The following TLE3 variants were observed in gnomAD, a reference collection of about 807,000 sequenced individuals.
The protein encoded by TLE3 is TLE family member 3, transcriptional corepressor, also known as transducin-like enhancer protein 3.
Under a neutral mutation model 93.0 loss-of-function variants are expected in TLE3, and 14 were observed. That is an observed-to-expected ratio of 0.15 (90% CI 0.10 to 0.24). The LOEUF is 0.24. Ranked by LOEUF, TLE3 falls within the 10% of genes least tolerant of loss-of-function variation. TLE3 has a pLI of 1.00. For missense variants in TLE3, 693 were observed against 1,046.6 expected, an observed-to-expected ratio of 0.66 and a Z score of 4.66; for synonymous variants, 451 against 425.0, an observed-to-expected ratio of 1.06 and a Z score of -0.75.
rs760118084 is a variant in TLE3 at position 70,096,240 on chromosome 15, G to A, written c.46C>T (p.Pro16Ser). The change falls in exon 2 of 20, where the codon CCG becomes TCG. Residue 16 changes from proline (P) to serine (S), a missense_variant. Transcript: ENST00000451782. ...TCAGCCACCGTGAATTTAAATCCCG[G>A]CTGCCCGGGTTGATGGGGAGCCTGG... ...RHPAPHQPGQ[P>S]GFKFTVAESC... The A allele has an allele frequency of 6.4e-6, 10 of 1,555,612 alleles. 1 individual carries two copies. The South Asian group carries it at 1.2e-4, about 18-fold the overall frequency.
At chr15:70,095,978 G>A (rs2142110248) in intron 2 of TLE3, 183 bp downstream of exon 2, 2 of 770,286 alleles carry the variant, frequency 2.6e-6, no homozygotes, top group South Asian at 3.8e-5. Flanking sequence ...CTGGGAGCCG[G>A]GCTGCTGCGG....
At chr15:70,071,934 T>C (rs574092828) in intron 6 of TLE3, among the ~76,000 whole-genome samples, 2 of 152,086 alleles carry the variant, frequency 1.3e-5, no homozygotes, top group African/African-American at 2.4e-5. Context: ...GAGGAGGAGA[T>C]AAAGAACGCC....
chr15:70,095,084 G>C (rs1477416422), intron 3 of TLE3, among the ~76,000 whole-genome samples: 1 of 152,188 alleles, frequency 6.6e-6, no homozygotes, highest in Non-Finnish European at 1.5e-5. Context: ...TGGAGGCAGA[G>C]AGAGCTTTAC....
intron 4 of TLE3, among the ~76,000 whole-genome samples, chr15:70,082,785 G>A (rs2057847294): frequency 1.3e-5 from 2 of 152,204 alleles, no homozygotes; most frequent in African/African-American, 4.8e-5. Context: ...CCCTTCACAG[G>A]CGGGTGAGGA....
chr15:70,074,861 A>C (rs1041195514), intron 5 of TLE3, among the ~76,000 whole-genome samples: 1 of 152,272 alleles, frequency 6.6e-6, no homozygotes, highest in African/African-American at 2.4e-5. Context: ...GCATGCCAAA[A>C]GATGGCTATT....
Position 70,074,528 on chromosome 15 carries a change from C to T in TLE3, c.372+5G>A, listed in dbSNP as rs760108695. The T allele has an allele frequency of 6.8e-6, 11 of 1,610,938 alleles. No individual in the cohort carries two copies. The highest frequency in any genetic ancestry group is 2.2e-5 in the East Asian group (1 of 44,820). On this transcript the variant is annotated splice_donor_5th_base_variant and intron_variant, in intron 6 of 19. Coordinates refer to ENST00000451782, the MANE Select transcript of TLE3 (RefSeq NM_001105192.3). ...GGTAAGAGGCAGATTGGGGAGTCCACGTACCCCGATGATGGCGTTCAGCTC... is the reference window on the plus strand; with the variant it reads ...GGTAAGAGGCAGATTGGGGAGTCCATGTACCCCGATGATGGCGTTCAGCTC...
Position 70,097,242 on chromosome 15 carries a change from C to G in TLE3, c.-444G>C. ...AGCGGGTCGCGCCTGTAGGGGGGCG[C>G]GCCGGGGCAGCCCCAAGCATCCGGG... On this transcript the variant is annotated 5_prime_UTR_variant, in exon 1 of 20. Transcript: ENST00000451782. 3 of 400,558 alleles carry G rather than the reference C, an allele frequency of 7.5e-6. No individual in the cohort carries two copies. The highest frequency in any genetic ancestry group is 1.3e-5 in the Non-Finnish European group (3 of 228,272). The allele number at this position is 400,558 out of a possible 1,614,324, so 24.8% of individuals were successfully genotyped here. A position where few individuals can be genotyped will look rare whatever the true frequency, so the allele number is the denominator to read the frequency against.
chr15:70,058,531 C>T lies in TLE3; in HGVS notation c.918+132G>A. The T allele has an allele frequency of 1.5e-6, 2 of 1,371,382 alleles. No homozygotes were observed. The highest frequency in any genetic ancestry group is 9.7e-7 in the Non-Finnish European group (1 of 1,029,976). 85.0% of individuals were successfully genotyped at this position (1,371,382 alleles called of 1,614,324 possible). On this transcript the variant is annotated intron_variant, in intron 11 of 19. Transcript: ENST00000451782. This position sits in a 1 kb window ranked among gnomAD's most constrained non-coding sequence, Gnocchi z 4.1. ...AACTCATTAGCACAGGCCCAGCAGGCACAGAAGGTAAACCGGGGCCAATCA... is the reference window on the plus strand; with the variant it reads ...AACTCATTAGCACAGGCCCAGCAGGTACAGAAGGTAAACCGGGGCCAATCA...
At chr15:70,081,321 G>C (rs1039953590) in intron 4 of TLE3, among the ~76,000 whole-genome samples, 2 of 152,236 alleles carry the variant, frequency 1.3e-5, no homozygotes, top group African/African-American at 4.8e-5. Context: ...AGCATCACAT[G>C]AATTTACAAA....
chr15:70,077,284 G>A (rs1438915566), intron 4 of TLE3, among the ~76,000 whole-genome samples: 2 of 152,294 alleles, frequency 1.3e-5, no homozygotes, highest in African/African-American at 2.4e-5. Context: ...ACTGACAGAC[G>A]ACTCTCAGAA....
chr15:70,060,614 G>A lies in TLE3; in HGVS notation c.630C>T (p.Ala210=), dbSNP rs750823598. The A allele has an allele frequency of 6.2e-7, 1 of 1,613,998 alleles. No homozygotes were observed. The highest frequency in any genetic ancestry group is 8.5e-7 in the Non-Finnish European group (1 of 1,179,882). ...CCGCAGAGCCCCGGTGCTTCTCACT[G>A]GCCCGGAGGCTTTCCGAGGGTGACA... is the stretch of plus-strand genomic sequence containing the variant. ...NSVSPSESLR[A]SEKHRGSADY... is the part of the protein sequence containing the mutation. Residue 210 remains alanine, a synonymous_variant, in exon 9 of 20, where the codon GCC becomes GCT. Coordinates refer to ENST00000451782, the MANE Select transcript of TLE3 (RefSeq NM_001105192.3).
chr15:70,090,831 G>C (rs977590279), intron 4 of TLE3, among the ~76,000 whole-genome samples: 8 of 152,210 alleles, frequency 5.3e-5, no homozygotes, highest in African/African-American at 1.7e-4. Context: ...CAGGACTGTG[G>C]ACAATAAGGG....
intron 19 of TLE3, 65 bp downstream of exon 19, chr15:70,051,326 C>A: frequency 1.4e-6 from 2 of 1,476,808 alleles, no homozygotes; most frequent in Non-Finnish European, 1.8e-6. Flanking sequence ...TCCTCACTCC[C>A]ATCACCATCA....
rs181779656 is a variant in TLE3 at position 70,055,356 on chromosome 15, T to C, written c.1329-58A>G. 3.4e-4 allele frequency: 526 copies of C among 1,530,042 alleles called. No homozygotes were observed. In the African/African-American group the frequency reaches 6.5e-3, roughly 19 times the overall value. The allele number at this position is 1,530,042 out of a possible 1,614,324, so 94.8% of individuals were successfully genotyped here. ...CCACCCCGGCCCCTCAGAGTTCCCA[T>C]AGGCCTGGCCCAGGTCATCTGCACT... is the stretch of plus-strand genomic sequence containing the variant. On this transcript the variant is annotated intron_variant, in intron 14 of 19. Transcript: ENST00000451782.
At chr15:70,066,924 C>G (rs752093395) in intron 6 of TLE3, 2 of 385,154 alleles carry the variant, frequency 5.2e-6, no homozygotes, top group Non-Finnish European at 1.1e-5. Context: ...AGTCCTGGAG[C>G]CTCAAATTTC....
rs936870843 is a variant in TLE3, at chr15:70,096,960, G to A, written c.-162C>T. On this transcript the variant is annotated 5_prime_UTR_variant, in exon 1 of 20. Transcript: ENST00000451782. ...TTCTCGCAGCGAAATCCCAGAGTCG[G>A]GCGCCCGCCCCAAGTGGAGACAAAG... The A allele has an allele frequency of 8.4e-6, 7 of 834,814 alleles. No individual in the cohort carries two copies. The highest frequency in any genetic ancestry group is 1.3e-5 in the Non-Finnish European group (7 of 522,300). 51.7% of individuals were successfully genotyped at this position (834,814 alleles called of 1,614,324 possible).
chr15:70,080,176 G>T (rs774609847), intron 4 of TLE3, among the ~76,000 whole-genome samples: 1 of 152,054 alleles, frequency 6.6e-6, no homozygotes, highest in East Asian at 1.9e-4. Flanking sequence ...GGCGCAATCC[G>T]TTATCGATAA....
Position 70,094,593 on chromosome 15 carries a change from T to C in TLE3, c.190-17A>G, listed in dbSNP as rs913497754. 6.5e-7 allele frequency: 1 copy of C among 1,535,464 alleles called. No homozygotes were observed. The highest frequency in any genetic ancestry group is 2.4e-5 in the East Asian group (1 of 41,504). On this transcript the variant is annotated splice_polypyrimidine_tract_variant and intron_variant, in intron 3 of 19. Coordinates refer to ENST00000451782, the MANE Select transcript of TLE3 (RefSeq NM_001105192.3). Reference sequence around the variant, plus strand: ...CTCATAGTACTAAAAGTAAAAAGAATGGCTATTAACAGACAACACAGAAAT... The same window carrying C: ...CTCATAGTACTAAAAGTAAAAAGAACGGCTATTAACAGACAACACAGAAAT...
In TLE3 at chr15:70,056,326, T is replaced by C. The variant is rs141470455; in HGVS notation, c.1300A>G (p.Ser434Gly). 75 of 1,613,718 alleles carry C rather than the reference T, an allele frequency of 4.6e-5. No individual in the cohort carries two copies. The Middle Eastern group carries it at 9.9e-4, about 21-fold the overall frequency. The change falls in exon 14 of 20, where the codon AGC becomes GGC. Residue 434 changes from serine (S) to glycine (G), a missense_variant. By Grantham distance (56) the Ser-to-Gly change is moderately conservative (BLOSUM62 0). This residue lies in a region of TLE3 where 405 missense variants were observed against 468.9 expected (regional missense o/e 0.86). Coordinates refer to ENST00000451782, the MANE Select transcript of TLE3 (RefSeq NM_001105192.3). Reference protein sequence around the residue: ...PPMRATGLPSSLASIPGGKPA... With the variant: ...PPMRATGLPSGLASIPGGKPA... ...TTTCCTCCAGGAATGGAGGCCAGGC[T>C]TGAGGGGAGGCCTGTGGCCCGCATC... is the stretch of plus-strand genomic sequence containing the variant.
Sources: allele counts gnomAD v4.1 joint callset (sites outside exome capture counted in the v4.1 genomes callset), GRCh38; gene constraint gnomAD v4.1.1; regional missense constraint gnomAD v4.1.1; non-coding constraint Gnocchi (gnomAD v3.1); transcripts MANE v1.5; gene names NCBI Gene and HGNC (gene_info 2026-07-23, HGNC 2026-07-21).